Variants in STX2 observed in about 807,000 individuals in gnomAD.
STX2 encodes syntaxin-2.
In STX2, 27 loss-of-function variants were observed where a neutral mutation model predicts 40.6. The ratio of observed to expected loss-of-function variants is 0.66; its 90% CI spans 0.49 to 0.92. The LOEUF (loss-of-function observed/expected upper bound fraction) is 0.92, where lower values mean the gene tolerates loss of function less well. Ranked by LOEUF, STX2 falls within the 40% of genes least tolerant of loss-of-function variation. The pLI, the probability that STX2 is intolerant of heterozygous loss-of-function variation, is 0.00. For synonymous variants in STX2, 123 were observed against 119.1 expected (o/e 1.03, Z -0.22); for missense variants, 328 against 366.1 (o/e 0.90, Z 0.85).
At chr12:130,812,175 A>G (rs1019563318) in intron 4 of STX2, 1 of 179,738 alleles carries the variant, frequency 5.6e-6, no homozygotes, top group Non-Finnish European at 1.2e-5. Flanking sequence ...CAAACTGTTT[A>G]AAAAAAAAAA....
intron 3 of STX2, among the ~76,000 whole-genome samples, chr12:130,813,427 C>T (rs564034176): frequency 3.3e-5 from 5 of 152,342 alleles, no homozygotes; most frequent in East Asian, 3.9e-4. Context: ...GGAGACGTAA[C>T]GATGATCTCA....
Position 130,801,401 on chromosome 12 carries a change from G to A in STX2, c.537+14C>T, listed in dbSNP as rs377733384. On this transcript the variant is annotated intron_variant, in intron 7 of 10. Transcript: ENST00000392373. ...GAAGAGGACATGGAGCCACAGGGCC[G>A]CACCCCCACTCACGTCGGAAGTGAA... 47 of 1,603,434 alleles carry A rather than the reference G, an allele frequency of 2.9e-5. No homozygotes were observed. The highest frequency in any genetic ancestry group is 2.7e-4 in the East Asian group (12 of 44,666).
rs1243893094 is a variant in STX2 at position 130,790,800 on chromosome 12, C to A, written c.*1223G>T. Reference sequence around the variant, plus strand: ...TCTCCTATTTAGTGAAAAGAGACCACGGTCTTTACAGTGCAGTAACCATTC... The same window carrying A: ...TCTCCTATTTAGTGAAAAGAGACCAAGGTCTTTACAGTGCAGTAACCATTC... On this transcript the variant is annotated 3_prime_UTR_variant, in exon 11 of 11. Coordinates refer to ENST00000392373, the MANE Select transcript of STX2 (RefSeq NM_194356.4). 6.6e-6 allele frequency: 1 copy of A among 152,570 alleles called. No individual in the cohort carries two copies. Among genetic ancestry groups the A allele is most frequent in the Admixed American group, 6.5e-5 (1 of 15,274 alleles). 9.5% of individuals were successfully genotyped at this position (152,570 alleles called of 1,614,324 possible).
intron 3 of STX2, among the ~76,000 whole-genome samples, chr12:130,813,677 G>A (rs1951744483): frequency 6.6e-6 from 1 of 152,198 alleles, no homozygotes; most frequent in South Asian, 2.1e-4. Context: ...GCCACCCAGG[G>A]CGTCATAGCA....
rs1397674209 is a variant in STX2 at position 130,798,557 on chromosome 12, T to C, written c.754A>G (p.Lys252Glu). ...GCCTTGCTCTGATATTTGATAGCTTTTTTTGTTTCTTCTTTAGCGTGTTCT... is the reference window on the plus strand; with the variant it reads ...GCCTTGCTCTGATATTTGATAGCTTCTTTTGTTTCTTCTTTAGCGTGTTCT... ...YVEHAKEETKKAIKYQSKARR... is the reference protein window; with the variant it reads ...YVEHAKEETKEAIKYQSKARR... The change falls in exon 9 of 11, where the codon AAA (lysine) becomes GAA (glutamate). Residue 252 changes from lysine (K) to glutamate (E), a missense_variant. Transcript: ENST00000392373. 1 of 1,605,584 alleles carries C rather than the reference T, an allele frequency of 6.2e-7. No homozygotes were observed. Among genetic ancestry groups the C allele is most frequent in the Non-Finnish European group, 8.5e-7 (1 of 1,177,832 alleles).
rs747992365 is a variant in STX2, at chr12:130,808,604, T to G, written c.354+27A>C. The G allele has an allele frequency of 1.9e-6, 3 of 1,592,176 alleles. No homozygotes were observed. The Admixed American group carries it at 5.5e-5, about 29-fold the overall frequency. ...AAAACACTTATTCTGCGACATTACT[T>G]TAATCTAAACGAGGCTGATAGCAAA... On this transcript the variant is annotated intron_variant, in intron 5 of 10. Coordinates refer to ENST00000392373, the MANE Select transcript of STX2 (RefSeq NM_194356.4).
At chr12:130,813,596 G>A (rs1255322411) in intron 3 of STX2, among the ~76,000 whole-genome samples, 3 of 152,182 alleles carry the variant, frequency 2.0e-5, no homozygotes, top group Non-Finnish European at 4.4e-5. Flanking sequence ...GGAGGCAGGG[G>A]CCGGCCTCCT....
At chr12:130,813,901 TCTCA>T (rs1447686398) in intron 3 of STX2, among the ~76,000 whole-genome samples, 1 of 152,128 alleles carries the variant, frequency 6.6e-6, no homozygotes, top group East Asian at 1.9e-4. Context: ...CACTTGCCTC[TCTCA>T]CTCAATCTCA....
Position 130,813,023 on chromosome 12 carries a change from CTTT to C in STX2, c.211_213del (p.Lys71del), listed in dbSNP as rs764721575. On this transcript the variant is annotated inframe_deletion, in exon 4 of 11. Coordinates refer to ENST00000392373, the MANE Select transcript of STX2 (RefSeq NM_194356.4). The stretch of plus-strand genomic sequence containing the variant: ...TCTTTGTTCAGATCTTCAAGCTCTT[CTTT>C]TATTTCTATAAAAATTTAAAATTAA... 1.9e-5 allele frequency: 28 copies of C among 1,509,960 alleles called. No individual in the cohort carries two copies. The highest frequency in any genetic ancestry group is 4.8e-5 in the Admixed American group (2 of 41,452). The allele number at this position is 1,509,960 out of a possible 1,614,324, so 93.5% of individuals were successfully genotyped here.
At chr12:130,818,356 G>A (rs1951969119) in intron 3 of STX2, among the ~76,000 whole-genome samples, 1 of 144,912 alleles carries the variant, frequency 6.9e-6, no homozygotes, top group Non-Finnish European at 1.5e-5. Flanking sequence ...TCGCCTGGTC[G>A]ACACAGGGAG....
At chr12:130,798,269 G>T in intron 9 of STX2, 11 of 212,290 alleles carry the variant, frequency 5.2e-5, no homozygotes, top group Non-Finnish European at 8.8e-5. Context: ...AAAAAAAAAA[G>T]TGCTGGGATT....
At chr12:130,817,025 T>C (rs1175563040) in intron 3 of STX2, among the ~76,000 whole-genome samples, 1 of 151,484 alleles carries the variant, frequency 6.6e-6, no homozygotes, top group Non-Finnish European at 1.5e-5. Flanking sequence ...AAAAAGAAAA[T>C]ACCATTCAGG....
chr12:130,795,938 T>A lies in STX2; in HGVS notation c.*45+57A>T, dbSNP rs541443488. The A allele has an allele frequency of 1.8e-5, 28 of 1,543,854 alleles. No individual in the cohort carries two copies. In the East Asian group the frequency reaches 5.4e-4, roughly 30 times the overall value. ...TTTATGTCTATTACAATTAAGCAAA[T>A]ACTATTATTGGTTAATTGCAAAAGT... On this transcript the variant is annotated intron_variant, in intron 10 of 10. Transcript: ENST00000392373.
chr12:130,800,707 C>T (rs749938606), intron 8 of STX2, among the ~76,000 whole-genome samples: 111 of 152,374 alleles, frequency 7.3e-4, no homozygotes, highest in Non-Finnish European at 1.0e-3. Flanking sequence ...TGCCATTACA[C>T]TGTTTGATAT....
At position 130,839,232 on chromosome 12, in the gene STX2, G is replaced by T; in HGVS notation, c.-133C>A. On this transcript the variant is annotated 5_prime_UTR_variant, in exon 1 of 11. Coordinates refer to ENST00000392373, the MANE Select transcript of STX2 (RefSeq NM_194356.4). ...GCGCCAGCAGCCCTCCCTGGAGCCGGCGCTGCCACGGCAACCGCGCCCCGC... is the reference window on the plus strand; with the variant it reads ...GCGCCAGCAGCCCTCCCTGGAGCCGTCGCTGCCACGGCAACCGCGCCCCGC... 1 of 791,872 alleles carries T rather than the reference G, an allele frequency of 1.3e-6. No homozygotes were observed. Among genetic ancestry groups the T allele is most frequent in the Non-Finnish European group, 1.6e-6 (1 of 641,830 alleles). The allele number at this position is 791,872 out of a possible 1,614,324, so 49.1% of individuals were successfully genotyped here. A position where few individuals can be genotyped will look rare whatever the true frequency, so the allele number is the denominator to read the frequency against.
At chr12:130,802,550 T>A (rs1412840345) in intron 6 of STX2, among the ~76,000 whole-genome samples, 1 of 152,054 alleles carries the variant, frequency 6.6e-6, no homozygotes, top group Non-Finnish European at 1.5e-5. Flanking sequence ...CAGACTGGAG[T>A]GTAGTGGTGC....
At chr12:130,838,953 G>A (rs1246045023) in intron 1 of STX2, 117 bp downstream of exon 1, 3 of 917,908 alleles carry the variant, frequency 3.3e-6, no homozygotes, top group Non-Finnish European at 4.0e-6. Flanking sequence ...CCAGAACGCC[G>A]GAGATCCCCG....
intron 3 of STX2, among the ~76,000 whole-genome samples, chr12:130,818,185 A>AAAAAAAAAAAAAAAATATAT: frequency 2.8e-5 from 2 of 70,546 alleles, no homozygotes; most frequent in African/African-American, 2.4e-4. Flanking sequence ...AAAAAAAAAA[A>AAAAAAAAAAAAAAAATATAT]ATATATATAT....
At chr12:130,827,344 G>A (rs574226003) in intron 1 of STX2, 77 bp from the exon 2 acceptor site, 1 of 1,117,326 alleles carries the variant, frequency 8.9e-7, no homozygotes, top group Non-Finnish European at 1.3e-6. Context: ...TACAAAAACA[G>A]TTCAATACCC....
Sources: allele counts gnomAD v4.1 joint callset (sites outside exome capture counted in the v4.1 genomes callset), GRCh38; gene constraint gnomAD v4.1.1; transcripts MANE v1.5; gene names NCBI Gene and HGNC (gene_info 2026-07-23, HGNC 2026-07-21).